CTNNA3: variants seen among roughly 807,000 people sequenced by gnomAD.
CTNNA3 encodes the protein catenin alpha-3.
CTNNA3 carries 76 observed loss-of-function variants against 95.7 expected under a neutral mutation model. The observed-to-expected ratio is 0.79, with a 90% CI of 0.66 to 0.96. The LOEUF (loss-of-function observed/expected upper bound fraction) is 0.96, where lower values mean the gene tolerates loss of function less well. Among genes scored for constraint, CTNNA3 ranks in the 40% least tolerant of loss-of-function variants. The pLI, the probability that CTNNA3 is intolerant of heterozygous loss-of-function variation, is 0.00. For missense variants in CTNNA3, 1,191 were observed against 1,089.8 expected, an observed-to-expected ratio of 1.09 and a Z score of -1.31; for synonymous variants, 431 against 374.4, an observed-to-expected ratio of 1.15 and a Z score of -1.74.
intron 13 of CTNNA3, among the ~76,000 whole-genome samples, chr10:66,209,715 A>C (rs1438942476): frequency 6.6e-6 from 1 of 152,178 alleles, no homozygotes; most frequent in Non-Finnish European, 1.5e-5. Flanking sequence ...ATATTGCCAT[A>C]TTTTATAGTA....
chr10:66,629,036 G>C (rs7917448), intron 9 of CTNNA3, among the ~76,000 whole-genome samples: 62,001 of 151,866 alleles, frequency 0.41, 12,870 homozygotes, highest in Middle Eastern at 0.55. Flanking sequence ...ATGAGACTTA[G>C]AAAAAGTGGC....
chr10:67,355,950 T>C (rs1842791998), intron 5 of CTNNA3, among the ~76,000 whole-genome samples: 2 of 151,930 alleles, frequency 1.3e-5, no homozygotes, highest in South Asian at 4.1e-4. Flanking sequence ...TTAGAGAGTA[T>C]CAAAGTTCTA....
At chr10:66,485,494 A>C (rs1839694142) in intron 11 of CTNNA3, among the ~76,000 whole-genome samples, 1 of 152,146 alleles carries the variant, frequency 6.6e-6, no homozygotes, top group African/African-American at 2.4e-5. Context: ...TCATTTCAAC[A>C]GCATCCTAAA....
intron 7 of CTNNA3, among the ~76,000 whole-genome samples, chr10:67,064,298 A>C (rs1189431093): frequency 6.6e-6 from 1 of 152,130 alleles, no homozygotes; most frequent in African/African-American, 2.4e-5. Flanking sequence ...ATGTATTAGC[A>C]TTCTTGTTAG....
intron 3 of CTNNA3, among the ~76,000 whole-genome samples, chr10:67,598,400 T>C (rs1842987180): frequency 1.3e-5 from 2 of 152,132 alleles, no homozygotes; most frequent in Admixed American, 6.5e-5. Flanking sequence ...GAATGAGTCC[T>C]GGTGCTTGGC....
At chr10:67,551,300 C>G (rs918027507) in intron 3 of CTNNA3, among the ~76,000 whole-genome samples, 5 of 152,072 alleles carry the variant, frequency 3.3e-5, no homozygotes, top group Admixed American at 2.6e-4. Flanking sequence ...AGAGCAGACC[C>G]GCAGGCCATC....
chr10:67,723,648 G>A lies in CTNNA3; in HGVS notation c.-2+39786C>T, dbSNP rs564008694. On this transcript the variant is annotated intron_variant, in intron 1 of 17. Transcript: ENST00000684154. The stretch of plus-strand genomic sequence containing the variant: ...CCCACAAGACCCATGATCCTAAATC[G>A]TAGCTTCATTGTGAATAAATGCTTT... Among the ~76,000 whole-genome samples, 24 of 152,180 alleles carry A rather than the reference G, an allele frequency of 1.6e-4. 1 individual carries two copies. The South Asian group carries it at 5.0e-3, about 32-fold the overall frequency.
chr10:66,776,471 CT>C (rs1462682029), intron 7 of CTNNA3, among the ~76,000 whole-genome samples: 1 of 152,166 alleles, frequency 6.6e-6, no homozygotes, highest in Non-Finnish European at 1.5e-5. Context: ...ATGTCTGACA[CT>C]TTCCCCAATG....
intron 7 of CTNNA3, among the ~76,000 whole-genome samples, chr10:66,853,593 G>A (rs7921788): frequency 0.87 from 132,115 of 152,054 alleles, 57,876 homozygotes; most frequent in African/African-American, 0.97. Context: ...GTAACAACCC[G>A]TTGGTCAGAA....
chr10:66,766,350 G>C lies in CTNNA3; in HGVS notation c.1195C>G (p.Leu399Val). ...CGGCCATTCTTAGCAGCTTCAATGAGAACCAAAAGAGGGACTGTCGTATCC... is the reference window on the plus strand; with the variant it reads ...CGGCCATTCTTAGCAGCTTCAATGACAACCAAAAGAGGGACTGTCGTATCC... ...FLDTTVPLLV[L>V]IEAAKNGREK... The change falls in exon 9 of 18, where the codon CTC becomes GTC. Residue 399 changes from leucine (L) to valine (V), a missense_variant. By Grantham distance (32) the Leu-to-Val change is conservative. Transcript: ENST00000433211. 3 of 1,613,590 alleles carry C rather than the reference G, an allele frequency of 1.9e-6. No homozygotes were observed. The highest frequency in any genetic ancestry group is 2.5e-6 in the Non-Finnish European group (3 of 1,179,712).
At chr10:66,887,179 A>G (rs147356477) in intron 7 of CTNNA3, among the ~76,000 whole-genome samples, 136 of 152,250 alleles carry the variant, frequency 8.9e-4, no homozygotes, top group African/African-American at 3.0e-3. Context: ...TATACAATAT[A>G]TATTTGCTCA....
chr10:67,167,327 C>G (rs1861816964), intron 7 of CTNNA3, among the ~76,000 whole-genome samples: 2 of 152,084 alleles, frequency 1.3e-5, no homozygotes, highest in South Asian at 2.1e-4. Context: ...GAATGCAGCT[C>G]TATCAACCAG....
intron 11 of CTNNA3, among the ~76,000 whole-genome samples, chr10:66,481,618 C>T (rs1839536964): frequency 6.8e-6 from 1 of 147,420 alleles, no homozygotes; most frequent in Non-Finnish European, 1.5e-5. Flanking sequence ...ACTACAGGCG[C>T]CTGCCACCAC....
intron 15 of CTNNA3, among the ~76,000 whole-genome samples, chr10:66,035,266 T>C (rs1439448478): frequency 6.6e-6 from 1 of 152,144 alleles, no homozygotes; most frequent in Admixed American, 6.5e-5. Context: ...AGGTAGGGAA[T>C]GAAATGAGCA....
chr10:67,435,433 T>C (rs1460101957), intron 5 of CTNNA3, among the ~76,000 whole-genome samples: 2 of 152,014 alleles, frequency 1.3e-5, no homozygotes, highest in Admixed American at 6.6e-5. Flanking sequence ...AGGCCCACTC[T>C]CACTGCTCCT....
chr10:66,710,793 ACT>A (rs1386361996), intron 9 of CTNNA3, among the ~76,000 whole-genome samples: 2 of 152,112 alleles, frequency 1.3e-5, no homozygotes, highest in African/African-American at 4.8e-5. Flanking sequence ...AAAGAATTAA[ACT>A]CTGAGATATT....
At chr10:67,244,850 G>A (rs1366379831) in intron 5 of CTNNA3, among the ~76,000 whole-genome samples, 1 of 152,052 alleles carries the variant, frequency 6.6e-6, no homozygotes, top group African/African-American at 2.4e-5. Flanking sequence ...TCCTGATAGT[G>A]CCCCTCAGCC....
intron 12 of CTNNA3, among the ~76,000 whole-genome samples, chr10:66,359,132 T>C (rs978635440): frequency 2.6e-5 from 4 of 152,156 alleles, no homozygotes; most frequent in African/African-American, 7.2e-5. Context: ...TAATCCTTCA[T>C]TATATTCTCA....
intron 1 of CTNNA3, among the ~76,000 whole-genome samples, chr10:67,720,603 T>C (rs1364051866): frequency 6.6e-6 from 1 of 152,136 alleles, no homozygotes; most frequent in East Asian, 1.9e-4. Flanking sequence ...TTATTTCTCC[T>C]TCGCTTATGA....
Sources: gnomAD v4.1 joint callset for allele counts (sites outside exome capture counted in the v4.1 genomes callset) on GRCh38, gnomAD v4.1.1 for gene constraint, MANE v1.5 for transcripts, NCBI Gene and HGNC (gene_info 2026-07-23, HGNC 2026-07-21) for gene names.